Variants in DOCK3 observed in about 807,000 individuals in gnomAD.
DOCK3 encodes dedicator of cytokinesis 3, also known as dedicator of cytokinesis protein 3.
In DOCK3, 60 loss-of-function variants were observed where a neutral mutation model predicts 265.6. That is an observed-to-expected ratio of 0.23 (90% CI 0.18 to 0.28). The LOEUF (loss-of-function observed/expected upper bound fraction) is 0.28. DOCK3 is among the 10% of genes least tolerant of loss of function. DOCK3 has a pLI of 1.00. For synonymous variants in DOCK3, 881 were observed against 938.0 expected (o/e 0.94, Z 1.11); for missense variants, 1,981 against 2,594.3 (o/e 0.76, Z 5.14).
intron 27 of DOCK3, among the ~76,000 whole-genome samples, chr3:51,301,252 C>T (rs1393132101): frequency 6.6e-6 from 1 of 152,036 alleles, no homozygotes; most frequent in Admixed American, 6.6e-5. Flanking sequence ...GGTGATATCC[C>T]CTTTGTCATT....
At chr3:51,250,160 A>T (rs2079125124) in intron 22 of DOCK3, among the ~76,000 whole-genome samples, 1 of 151,714 alleles carries the variant, frequency 6.6e-6, no homozygotes, top group Non-Finnish European at 1.5e-5. Flanking sequence ...TCCTCTGCCT[A>T]GGAAAACCAG....
chr3:50,814,551 GCCACCGCA>G (rs2043958633), intron 2 of DOCK3, among the ~76,000 whole-genome samples: 1 of 152,050 alleles, frequency 6.6e-6, no homozygotes, highest in African/African-American at 2.4e-5. Flanking sequence ...ACAGGCATGA[GCCACCGCA>G]CCTGGCCTGG....
chr3:51,357,487 C>G (rs1165140344), intron 44 of DOCK3, among the ~76,000 whole-genome samples: 2 of 152,188 alleles, frequency 1.3e-5, no homozygotes, highest in Non-Finnish European at 2.9e-5. Context: ...CCCAGTCCAC[C>G]AGTCCTGCCT....
intron 10 of DOCK3, among the ~76,000 whole-genome samples, chr3:51,151,566 A>G (rs1199143189): frequency 6.6e-6 from 1 of 152,176 alleles, no homozygotes; most frequent in African/African-American, 2.4e-5. Context: ...GTTGCCCATT[A>G]GTTGATGCAG....
At chr3:51,039,490 G>A (rs2080397028) in intron 5 of DOCK3, among the ~76,000 whole-genome samples, 1 of 152,012 alleles carries the variant, frequency 6.6e-6, no homozygotes, top group Non-Finnish European at 1.5e-5. Flanking sequence ...CAAATTACTG[G>A]CTAAGCTGTA....
At chr3:51,162,853 GA>G (rs1040062518) in intron 12 of DOCK3, among the ~76,000 whole-genome samples, 3 of 151,920 alleles carry the variant, frequency 2.0e-5, no homozygotes, top group Admixed American at 6.6e-5. Flanking sequence ...CTAAAAAGAT[GA>G]AAAAAATATG....
intron 5 of DOCK3, among the ~76,000 whole-genome samples, chr3:50,964,411 A>G (rs2108413999): frequency 6.6e-6 from 1 of 152,342 alleles, no homozygotes; most frequent in Non-Finnish European, 1.5e-5. Flanking sequence ...AAAAAATGAA[A>G]TAGAAGCTGG....
intron 13 of DOCK3, among the ~76,000 whole-genome samples, chr3:51,210,684 G>A (rs542241424): frequency 6.6e-6 from 1 of 152,218 alleles, no homozygotes; most frequent in African/African-American, 2.4e-5. Context: ...AATATTTCAG[G>A]TCTTTATTAG....
At chr3:50,974,080 T>G (rs1427214983) in intron 5 of DOCK3, among the ~76,000 whole-genome samples, 59 of 150,930 alleles carry the variant, frequency 3.9e-4, no homozygotes, top group Admixed American at 7.9e-4. Flanking sequence ...TTTCTCCCAT[T>G]TTGTAGGTTG....
chr3:51,129,832 C>T (rs1249261042), intron 9 of DOCK3, among the ~76,000 whole-genome samples: 1 of 152,208 alleles, frequency 6.6e-6, no homozygotes, highest in African/African-American at 2.4e-5. Context: ...TCTGCTGGGT[C>T]ATATGGCCCA....
At chr3:51,273,811 T>C (rs1200039037) in intron 24 of DOCK3, among the ~76,000 whole-genome samples, 1 of 152,244 alleles carries the variant, frequency 6.6e-6, no homozygotes, top group Non-Finnish European at 1.5e-5. Context: ...GTGTTACTGA[T>C]AATCTGACTA....
intron 4 of DOCK3, among the ~76,000 whole-genome samples, chr3:50,922,734 C>T (rs1002885269): frequency 6.6e-6 from 1 of 151,064 alleles, no homozygotes; most frequent in African/African-American, 2.4e-5. Flanking sequence ...GGTTTATGCA[C>T]TTAGCCAGTT....
chr3:50,915,141 G>A (rs2050049634), intron 4 of DOCK3, among the ~76,000 whole-genome samples: 2 of 152,118 alleles, frequency 1.3e-5, no homozygotes, highest in African/African-American at 4.8e-5. Context: ...GCAGGGCACA[G>A]CACTGGCTTG....
At chr3:50,783,113 T>C (rs183445450) in intron 2 of DOCK3, among the ~76,000 whole-genome samples, 6 of 152,270 alleles carry the variant, frequency 3.9e-5, no homozygotes, top group Admixed American at 2.6e-4. Context: ...ATTTTTGCAG[T>C]TGCGAATTGT....
intron 25 of DOCK3, chr3:51,276,267 T>C (rs1237987555): frequency 4.5e-6 from 3 of 661,922 alleles, no homozygotes; most frequent in Non-Finnish European, 5.6e-6. Context: ...TTATTTGATC[T>C]TGGCTCCAGG....
At chr3:50,846,302 A>T (rs1365488664) in intron 3 of DOCK3, among the ~76,000 whole-genome samples, 1 of 152,178 alleles carries the variant, frequency 6.6e-6, no homozygotes, top group African/African-American at 2.4e-5. Context: ...ACTCACAGTT[A>T]TGAATTATTA....
chr3:50,850,153 G>A (rs2046291816), intron 3 of DOCK3, among the ~76,000 whole-genome samples: 1 of 151,770 alleles, frequency 6.6e-6, no homozygotes, highest in Admixed American at 6.6e-5. Context: ...GGCCGAGGCG[G>A]GTGGATCACC....
At chr3:50,763,757 T>G (rs958874705) in intron 1 of DOCK3, among the ~76,000 whole-genome samples, 1 of 152,214 alleles carries the variant, frequency 6.6e-6, no homozygotes, top group Non-Finnish European at 1.5e-5. Flanking sequence ...ATTAGTAATT[T>G]AAGTCTTCTC....
intron 32 of DOCK3, among the ~76,000 whole-genome samples, chr3:51,321,230 A>G (rs2083704394): frequency 6.6e-6 from 1 of 152,246 alleles, no homozygotes; most frequent in Admixed American, 6.5e-5. Flanking sequence ...CCTGCAGCAG[A>G]GGGGCCTGAC....
Sources: gnomAD v4.1 joint callset for allele counts (sites outside exome capture counted in the v4.1 genomes callset) on GRCh38, gnomAD v4.1.1 for gene constraint, MANE v1.5 for transcripts, NCBI Gene and HGNC (gene_info 2026-07-23, HGNC 2026-07-21) for gene names.